Variants in SLC4A4 observed in about 807,000 individuals in gnomAD.
The protein encoded by SLC4A4 is electrogenic sodium bicarbonate cotransporter 1.
Under a neutral mutation model 111.5 loss-of-function variants are expected in SLC4A4, and 27 were observed. The ratio of observed to expected loss-of-function variants is 0.24; its 90% CI spans 0.18 to 0.33. SLC4A4 has a LOEUF of 0.33. SLC4A4 is among the 10% of genes least tolerant of loss of function. The pLI, the probability that SLC4A4 is intolerant of heterozygous loss-of-function variation, is 1.00. For missense variants in SLC4A4, 909 were observed against 1,315.5 expected (o/e 0.69, Z 4.78); for synonymous variants, 443 against 463.4 (o/e 0.96, Z 0.57).
intron 2 of SLC4A4, among the ~76,000 whole-genome samples, chr4:71,134,578 T>C (rs1743794487): frequency 6.6e-6 from 1 of 152,260 alleles, no homozygotes; most frequent in South Asian, 2.1e-4. Context: ...TGTACTTCTC[T>C]TGCCACTTGC....
chr4:71,276,245 A>T (rs937367399), intron 3 of SLC4A4, among the ~76,000 whole-genome samples: 12 of 152,236 alleles, frequency 7.9e-5, no homozygotes, highest in Non-Finnish European at 1.8e-4. Context: ...CCCAATGGTT[A>T]TATCTTATAT....
At chr4:71,175,826 A>T (rs1745078009) in intron 2 of SLC4A4, among the ~76,000 whole-genome samples, 2 of 152,148 alleles carry the variant, frequency 1.3e-5, no homozygotes, top group Admixed American at 1.3e-4. Context: ...CTTTGAAGAG[A>T]GTAGCGGTTC....
At chr4:71,458,114 A>G (rs1187716945) in intron 12 of SLC4A4, among the ~76,000 whole-genome samples, 1 of 152,126 alleles carries the variant, frequency 6.6e-6, no homozygotes, top group East Asian at 1.9e-4. Flanking sequence ...TTGCCAAACA[A>G]GTATACTGCT....
At chr4:71,379,388 ATCTC>A (rs1334454841) in intron 6 of SLC4A4, among the ~76,000 whole-genome samples, 3 of 152,016 alleles carry the variant, frequency 2.0e-5, no homozygotes, top group Non-Finnish European at 2.9e-5. Flanking sequence ...ATGCCTTGCA[ATCTC>A]TCTATCACTT....
chr4:71,516,075 G>A (rs1244842736), intron 16 of SLC4A4, among the ~76,000 whole-genome samples: 2 of 124,874 alleles, frequency 1.6e-5, no homozygotes, highest in African/African-American at 5.9e-5. Flanking sequence ...TGGTTTGGGG[G>A]ATTTCTTTTT....
intron 1 of SLC4A4, among the ~76,000 whole-genome samples, chr4:71,084,093 C>T (rs911066448): frequency 4.0e-5 from 6 of 151,792 alleles, no homozygotes; most frequent in Non-Finnish European, 8.8e-5. Flanking sequence ...CTCTTATAAC[C>T]ATGAGCTTAT....
chr4:71,419,755 G>T (rs1001619313), intron 7 of SLC4A4, among the ~76,000 whole-genome samples: 6 of 152,208 alleles, frequency 3.9e-5, no homozygotes, highest in Non-Finnish European at 7.3e-5. Flanking sequence ...CGGTACCTCA[G>T]ATGGAAATGC....
intron 1 of SLC4A4, among the ~76,000 whole-genome samples, chr4:71,214,284 T>C (rs1718297976): frequency 6.6e-6 from 1 of 152,138 alleles, no homozygotes; most frequent in South Asian, 2.1e-4. Flanking sequence ...CTAATGGCCC[T>C]GTAGGGAGGG....
At chr4:71,524,070 A>G (rs1229566610) in intron 16 of SLC4A4, among the ~76,000 whole-genome samples, 2 of 152,104 alleles carry the variant, frequency 1.3e-5, no homozygotes, top group African/African-American at 4.8e-5. Context: ...TGCCATCTGG[A>G]GCTACACAGA....
At chr4:71,464,466 C>T (rs1727133271) in intron 12 of SLC4A4, among the ~76,000 whole-genome samples, 1 of 152,160 alleles carries the variant, frequency 6.6e-6, no homozygotes, top group South Asian at 2.1e-4. Flanking sequence ...AAGATAGTCT[C>T]TCTACGGAAT....
chr4:71,342,199 G>C (rs181038479), intron 4 of SLC4A4, among the ~76,000 whole-genome samples: 1 of 152,136 alleles, frequency 6.6e-6, no homozygotes, highest in Admixed American at 6.5e-5. Context: ...ACTGTTTCTT[G>C]TTCCCCTCTC....
chr4:71,468,281 A>G (rs1385589956), intron 13 of SLC4A4, among the ~76,000 whole-genome samples: 1 of 152,090 alleles, frequency 6.6e-6, no homozygotes, highest in Non-Finnish European at 1.5e-5. Context: ...GCCTTTGTGG[A>G]AAGATTAAAC....
chr4:71,209,063 G>A (rs916417623), intron 1 of SLC4A4, among the ~76,000 whole-genome samples: 2 of 152,162 alleles, frequency 1.3e-5, no homozygotes, highest in Non-Finnish European at 2.9e-5. Context: ...CAGAAAGTTT[G>A]TGTCAAATTT....
intron 2 of SLC4A4, among the ~76,000 whole-genome samples, chr4:71,127,126 G>A (rs1300940675): frequency 2.6e-5 from 4 of 152,110 alleles, no homozygotes; most frequent in South Asian, 2.1e-4. Flanking sequence ...TGCTAACATC[G>A]TATTAACATG....
intron 3 of SLC4A4, among the ~76,000 whole-genome samples, chr4:71,332,020 A>G (rs1705847437): frequency 6.6e-6 from 1 of 152,090 alleles, no homozygotes; most frequent in African/African-American, 2.4e-5. Context: ...TATCAGTTGT[A>G]ATGTCTGCCT....
intron 7 of SLC4A4, among the ~76,000 whole-genome samples, chr4:71,431,246 G>A (rs532741112): frequency 6.6e-6 from 1 of 152,176 alleles, no homozygotes; most frequent in East Asian, 1.9e-4. Context: ...TAAGTACAAG[G>A]CAGATAAAAT....
At chr4:71,544,173 T>C (rs1487296388) in intron 18 of SLC4A4, among the ~76,000 whole-genome samples, 1 of 151,784 alleles carries the variant, frequency 6.6e-6, no homozygotes, top group East Asian at 1.9e-4. Context: ...CAGGGAAACA[T>C]AAAGGAGGAG....
chr4:71,318,296 G>A (rs1430901533), intron 3 of SLC4A4, among the ~76,000 whole-genome samples: 2 of 152,002 alleles, frequency 1.3e-5, no homozygotes, highest in African/African-American at 2.4e-5. Context: ...ATTTCAGCAT[G>A]TAAAAGGATA....
intron 1 of SLC4A4, among the ~76,000 whole-genome samples, chr4:71,070,581 A>G (rs1741637271): frequency 6.6e-6 from 1 of 152,262 alleles, no homozygotes; most frequent in Non-Finnish European, 1.5e-5. Flanking sequence ...TAATGATTAA[A>G]TATGATCAGT....
Sources: allele counts gnomAD v4.1 joint callset (sites outside exome capture counted in the v4.1 genomes callset), GRCh38; gene constraint gnomAD v4.1.1; transcripts MANE v1.5; gene names NCBI Gene and HGNC (gene_info 2026-07-23, HGNC 2026-07-21).